Variants in RASGRP3 observed in about 807,000 individuals in gnomAD.
RASGRP3 encodes ras guanyl-releasing protein 3.
A neutral mutation model predicts 82.7 loss-of-function variants in RASGRP3; 54 were observed. The ratio of observed to expected loss-of-function variants is 0.65; its 90% confidence interval spans 0.52 to 0.82. The LOEUF is 0.82. RASGRP3 is among the 40% of genes least tolerant of loss of function. The pLI, the probability that RASGRP3 is intolerant of heterozygous loss-of-function variation, is 0.00. For missense variants in RASGRP3, 861 were observed against 828.9 expected (o/e 1.04, Z -0.48); for synonymous variants, 309 against 300.5 (o/e 1.03, Z -0.29).
intron 11 of RASGRP3, among the ~76,000 whole-genome samples, chr2:33,537,312 ACACACACACCGCCCCCCC>A (rs1673714373): frequency 2.0e-5 from 1 of 48,796 alleles, no homozygotes. Flanking sequence ...AAATACACAC[ACACACACACCGCCCCCCC>A]CACACACACA....
At position 33,558,838 on chromosome 2, in the gene RASGRP3, C is replaced by G. The variant is rs374245195; in HGVS notation, c.1872C>G (p.Gly624=). 1 of 1,614,012 alleles carries G rather than the reference C, an allele frequency of 6.2e-7. No homozygotes were observed. Among genetic ancestry groups the G allele is most frequent in the South Asian group, 1.1e-5 (1 of 91,084 alleles). ...CTGAACCTGTCTGGTCAGAGGCTGG[C>G]TGGGGGGACTCGGGGTCCCACACCT... ...TQTEPVWSEA[G]WGDSGSHTFP... The change falls in exon 17 of 18, where the codon GGC becomes GGG. Residue 624 remains glycine (G), a synonymous_variant. Transcript: ENST00000403687.
chr2:33,468,008 CTT>C (rs1284417536), intron 2 of RASGRP3, among the ~76,000 whole-genome samples: 7 of 125,552 alleles, frequency 5.6e-5, no homozygotes, highest in Non-Finnish European at 9.0e-5. Context: ...TTCTTTCTTT[CTT>C]TCTTTCTTTC....
intron 17 of RASGRP3, among the ~76,000 whole-genome samples, chr2:33,559,438 T>C (rs181862302): frequency 5.9e-5 from 9 of 152,224 alleles, no homozygotes; most frequent in East Asian, 5.8e-4. Flanking sequence ...TAAAGGAGAA[T>C]TGGAAACTTT....
At position 33,562,924 on chromosome 2, in the gene RASGRP3, A is replaced by G; in HGVS notation, c.*187A>G. 1.4e-6 allele frequency: 1 copy of G among 708,370 alleles called. No individual in the cohort carries two copies. The highest frequency in any genetic ancestry group is 2.3e-6 in the Non-Finnish European group (1 of 429,854). 43.9% of individuals were successfully genotyped at this position (708,370 alleles called of 1,614,324 possible). On this transcript the variant is annotated 3_prime_UTR_variant, in exon 18 of 18. Coordinates refer to ENST00000403687, the MANE Select transcript of RASGRP3 (RefSeq NM_001139488.2). ...GAGAATTGACCCTAACTAACTAACT[A>G]TGAACTATTTATTTCCTCCTCCCCT...
At chr2:33,506,060 G>A (rs1558457877) in intron 1 of RASGRP3, among the ~76,000 whole-genome samples, 1 of 152,186 alleles carries the variant, frequency 6.6e-6, no homozygotes, top group African/African-American at 2.4e-5. Flanking sequence ...TTTGTTACTT[G>A]TTAGCAGAAA....
chr2:33,529,568 T>C (rs1380057481), intron 10 of RASGRP3, among the ~76,000 whole-genome samples: 9 of 149,724 alleles, frequency 6.0e-5, no homozygotes, highest in African/African-American at 2.0e-4. Flanking sequence ...TCCTTTTTGC[T>C]GGGGAGGAAT....
chr2:33,546,406 G>C (rs1346561091), intron 13 of RASGRP3, among the ~76,000 whole-genome samples: 1 of 144,992 alleles, frequency 6.9e-6, no homozygotes, highest in African/African-American at 2.6e-5. Context: ...CTGGACGACA[G>C]AGCAAGACTC....
At position 33,527,140 on chromosome 2, in the gene RASGRP3, T is replaced by C; in HGVS notation, c.811T>C (p.Trp271Arg). The C allele has an allele frequency of 6.2e-7, 1 of 1,613,936 alleles. No individual in the cohort carries two copies. The highest frequency in any genetic ancestry group is 8.5e-7 in the Non-Finnish European group (1 of 1,179,804). ...CTACTTTTCCATCTGTTCCCAGAAC[T>C]GGAATGAAATGACAGAGTTGGTCTC... ...SHLSSEVTKNWNEMTELVSSN... is the reference protein window; with the variant it reads ...SHLSSEVTKNRNEMTELVSSN... Residue 271 changes from tryptophan to arginine, a missense_variant, in exon 10 of 18, where the codon TGG (tryptophan) becomes CGG (arginine). Trp to Arg is a moderately radical substitution (Grantham distance 101, BLOSUM62 -3). Transcript: ENST00000403687.
intron 4 of RASGRP3, among the ~76,000 whole-genome samples, chr2:33,519,613 A>G (rs2151018944): frequency 6.6e-6 from 1 of 152,322 alleles, no homozygotes; most frequent in African/African-American, 2.4e-5. Context: ...TCTCAAAACA[A>G]TGTAGTGTTT....
intron 1 of RASGRP3, among the ~76,000 whole-genome samples, chr2:33,488,724 A>C (rs2150954498): frequency 6.6e-6 from 1 of 152,348 alleles, no homozygotes; most frequent in South Asian, 2.1e-4. Context: ...GAAAGCTTTA[A>C]AATGTTCTCA....
chr2:33,547,724 T>C (rs1201543860), intron 13 of RASGRP3, among the ~76,000 whole-genome samples: 1 of 151,966 alleles, frequency 6.6e-6, no homozygotes, highest in Non-Finnish European at 1.5e-5. Context: ...TGGGAACTCT[T>C]AGAGGGAGGT....
Position 33,562,755 on chromosome 2 carries a change from T to G in RASGRP3, c.*18T>G. On this transcript the variant is annotated 3_prime_UTR_variant, in exon 18 of 18. Transcript: ENST00000403687. ...ATGGCTGACTTCAGGCTGCGGAAAC[T>G]GAAGGCAATAATGTTGGCTTTTGGA... The G allele has an allele frequency of 6.2e-7, 1 of 1,613,030 alleles. No homozygotes were observed. The highest frequency in any genetic ancestry group is 8.5e-7 in the Non-Finnish European group (1 of 1,179,022).
intron 1 of RASGRP3, chr2:33,436,684 T>C (rs1201701360): frequency 6.6e-6 from 1 of 152,194 alleles, no homozygotes; most frequent in East Asian, 1.9e-4. Flanking sequence ...TGATTTGAGG[T>C]CCGATCCTCA....
In RASGRP3 at chr2:33,563,527, G is replaced by C. The variant is rs1046335056; in HGVS notation, c.*790G>C. On this transcript the variant is annotated 3_prime_UTR_variant, in exon 18 of 18. Transcript: ENST00000403687. Reference sequence around the variant, plus strand: ...TGCTTGTCCCTTCTGACTGGGTTAAGCCATCTTTCTTAAGATTCCTGAAGT... The same window carrying C: ...TGCTTGTCCCTTCTGACTGGGTTAACCCATCTTTCTTAAGATTCCTGAAGT... The C allele has an allele frequency of 6.6e-6, 1 of 152,148 alleles. No individual in the cohort carries two copies. Among genetic ancestry groups the C allele is most frequent in the Admixed American group, 6.5e-5 (1 of 15,280 alleles). The allele number at this position is 152,148 out of a possible 1,614,324, so 9.4% of individuals were successfully genotyped here.
At chr2:33,533,440 A>G (rs1398844960) in intron 10 of RASGRP3, 1 of 152,226 alleles carries the variant, frequency 6.6e-6, no homozygotes, top group East Asian at 1.9e-4. Context: ...CGATAATAAC[A>G]GTAACATTAA....
At position 33,516,714 on chromosome 2, in the gene RASGRP3, C is replaced by T. The variant is rs1280671207; in HGVS notation, c.173+70C>T. 7 of 1,045,020 alleles carry T rather than the reference C, an allele frequency of 6.7e-6. No individual in the cohort carries two copies. The East Asian group carries it at 7.8e-5, about 12-fold the overall frequency. 64.7% of individuals were successfully genotyped at this position (1,045,020 alleles called of 1,614,324 possible). A position where few individuals can be genotyped will look rare whatever the true frequency, so the allele number is the denominator to read the frequency against. On this transcript the variant is annotated intron_variant, in intron 4 of 17. Transcript: ENST00000403687. ...CTCTGTATTTAGATAGAGTGTCTAT[C>T]CAAAGCCAGTAAATTAAGATGAATA...
At chr2:33,451,115 C>G (rs1336836145) in intron 2 of RASGRP3, among the ~76,000 whole-genome samples, 1 of 152,082 alleles carries the variant, frequency 6.6e-6, no homozygotes, top group Non-Finnish European at 1.5e-5. Flanking sequence ...CTGCCCGCCT[C>G]AGCCTCCCAA....
chr2:33,443,709 T>TAAAAAAAA (rs1161262477), intron 1 of RASGRP3, among the ~76,000 whole-genome samples: 1 of 98,224 alleles, frequency 1.0e-5, no homozygotes, highest in Non-Finnish European at 2.0e-5. Flanking sequence ...ATCCTGTCTC[T>TAAAAAAAA]AAAAAAAAAA....
At chr2:33,469,412 A>G (rs1666920479) in intron 2 of RASGRP3, among the ~76,000 whole-genome samples, 1 of 151,736 alleles carries the variant, frequency 6.6e-6, no homozygotes, top group Admixed American at 6.6e-5. Flanking sequence ...GATTAAAACA[A>G]TTTTAAGATT....
Sources: gnomAD v4.1 joint callset for allele counts (sites outside exome capture counted in the v4.1 genomes callset) on GRCh38, gnomAD v4.1.1 for gene constraint, MANE v1.5 for transcripts, NCBI Gene and HGNC (gene_info 2026-07-23, HGNC 2026-07-21) for gene names.